Variants in TTC3 observed in about 807,000 individuals in gnomAD.
TTC3 encodes E3 ubiquitin-protein ligase TTC3.
A neutral mutation model predicts 249.6 loss-of-function variants in TTC3; 180 were observed. The ratio of observed to expected loss-of-function variants is 0.72; its 90% CI spans 0.64 to 0.82. TTC3 has a LOEUF of 0.82. Ranked by LOEUF, TTC3 falls within the 40% of genes least tolerant of loss-of-function variation. TTC3 has a pLI of 0.00. For synonymous variants in TTC3, 717 were observed against 805.0 expected (o/e 0.89, Z 1.85); for missense variants, 2,061 against 2,398.4 (o/e 0.86, Z 2.94).
chr21:37,151,781 C>A, intron 25 of TTC3, 112 bp from the exon 26 acceptor site: 1 of 1,210,424 alleles, frequency 8.3e-7, no homozygotes, highest in Non-Finnish European at 1.1e-6. Flanking sequence ...AGATGTAGGC[C>A]GGGCTCTGAT....
At chr21:37,098,002 A>G (rs1317190070) in intron 10 of TTC3, 2 of 707,014 alleles carry the variant, frequency 2.8e-6, no homozygotes, top group South Asian at 3.0e-5. Context: ...CACCTTGGAG[A>G]ATACCGCTGT....
At chr21:37,091,969 A>G (rs1004296912) in intron 7 of TTC3, among the ~76,000 whole-genome samples, 4 of 152,168 alleles carry the variant, frequency 2.6e-5, no homozygotes, top group Admixed American at 1.3e-4. Context: ...TTTTCACTGA[A>G]TGGATATTGT....
chr21:37,138,705 A>G (rs371622312), exon 19 of TTC3: 17 of 1,608,636 alleles, frequency 1.1e-5, no homozygotes, highest in Non-Finnish European at 1.4e-5. Flanking sequence ...TTGGAATAGG[A>G]CAGCCTGAGG....
rs529521725 is a variant in TTC3 at position 37,131,127 on chromosome 21, G to A, written c.1359-1555G>A. On this transcript the variant is annotated intron_variant, in intron 16 of 45. Coordinates refer to ENST00000355666, the Ensembl canonical transcript of TTC3. ...ATGGCATTTCCTGAATGATAGGAGTGTATTTTGTTACTCATCATGAGCCCC... is the reference window on the plus strand; with the variant it reads ...ATGGCATTTCCTGAATGATAGGAGTATATTTTGTTACTCATCATGAGCCCC... Among the ~76,000 whole-genome samples, 223 of 152,224 alleles carry A rather than the reference G, an allele frequency of 1.5e-3. 2 individuals are homozygous for A. The highest frequency in any genetic ancestry group is 4.9e-3 in the African/African-American group (204 of 41,530).
At chr21:37,132,403 C>T (rs538945437) in intron 16 of TTC3, among the ~76,000 whole-genome samples, 5 of 149,994 alleles carry the variant, frequency 3.3e-5, no homozygotes, top group Non-Finnish European at 7.4e-5. Context: ...AGATCTCGGT[C>T]CTGGGCTCAA....
intron 32 of TTC3, among the ~76,000 whole-genome samples, chr21:37,164,495 T>TG (rs768303154): frequency 9.9e-5 from 14 of 141,328 alleles, no homozygotes; most frequent in Admixed American, 2.2e-4. Flanking sequence ...TGCACCACCA[T>TG]GCCTGGCTAA....
chr21:37,164,240 C>A, intron 32 of TTC3, 25 bp downstream of exon 32: 1 of 1,533,774 alleles, frequency 6.5e-7, no homozygotes, highest in Non-Finnish European at 8.8e-7. Context: ...ATTTTTACAA[C>A]CATTATTTTA....
intron 10 of TTC3, among the ~76,000 whole-genome samples, chr21:37,100,277 C>T (rs554178000): frequency 2.8e-4 from 43 of 152,176 alleles, no homozygotes; most frequent in Admixed American, 5.2e-4. Flanking sequence ...TTAATGTTCT[C>T]TGTACTTTTA....
chr21:37,088,743 C>A, intron 4 of TTC3, 56 bp from the exon 5 acceptor site: 1 of 1,485,772 alleles, frequency 6.7e-7, no homozygotes, highest in South Asian at 1.2e-5. Flanking sequence ...GCATAAAGTT[C>A]AATGAATTTG....
chr21:37,088,749 A>G, intron 4 of TTC3, 50 bp from the exon 5 acceptor site: 1 of 1,514,552 alleles, frequency 6.6e-7, no homozygotes, highest in Non-Finnish European at 9.0e-7. Flanking sequence ...AGTTCAATGA[A>G]TTTGTATATA....
In TTC3 at chr21:37,138,725, TA is replaced by T. The variant is rs1218001638; in HGVS notation, c.1659+13del. On this transcript the variant is annotated intron_variant, in intron 19 of 45. Transcript: ENST00000355666. ...ATAGGACAGCCTGAGGTAAGATTTG[TA>T]ACAGTGGTAATAAACAATTAAAATG... 1.9e-6 allele frequency: 3 copies of T among 1,572,020 alleles called. No homozygotes were observed. Among genetic ancestry groups the T allele is most frequent in the Non-Finnish European group, 2.6e-6 (3 of 1,146,172 alleles).
intron 35 of TTC3, among the ~76,000 whole-genome samples, chr21:37,173,225 T>C (rs961271857): frequency 6.6e-6 from 1 of 152,194 alleles, no homozygotes; most frequent in Non-Finnish European, 1.5e-5. Flanking sequence ...AACTCACATT[T>C]TGTATGGTTA....
intron 11 of TTC3, among the ~76,000 whole-genome samples, chr21:37,111,943 A>G (rs1029647942): frequency 5.4e-5 from 5 of 91,828 alleles, no homozygotes; most frequent in African/African-American, 2.3e-4. Context: ...CTGCTCCTGA[A>G]TGACTACTGG....
At chr21:37,077,945 G>C (rs2146862438) in intron 1 of TTC3, among the ~76,000 whole-genome samples, 1 of 152,108 alleles carries the variant, frequency 6.6e-6, no homozygotes, top group Admixed American at 6.5e-5. Context: ...ACATTCCTCT[G>C]TTTCTTTTTA....
At chr21:37,145,685 A>G (rs1165288727) in intron 21 of TTC3, among the ~76,000 whole-genome samples, 4 of 152,214 alleles carry the variant, frequency 2.6e-5, no homozygotes, top group Admixed American at 6.5e-5. Context: ...TGCAGGCTGT[A>G]TAAGAAGCAT....
intron 15 of TTC3, among the ~76,000 whole-genome samples, chr21:37,128,655 C>A (rs939845966): frequency 1.4e-4 from 22 of 152,124 alleles, no homozygotes; most frequent in Non-Finnish European, 2.2e-4. Flanking sequence ...ACAGTATTTT[C>A]TTTTCTTCAT....
chr21:37,073,956 C>T (rs2070428388), intron 1 of TTC3, among the ~76,000 whole-genome samples: 1 of 152,262 alleles, frequency 6.6e-6, no homozygotes, highest in Non-Finnish European at 1.5e-5. Flanking sequence ...CGCAGAGTGT[C>T]TGCGCATGGG....
At position 37,159,313 on chromosome 21, in the gene TTC3, AG is replaced by A. The variant is rs1270009448; in HGVS notation, c.2993-385del. 6.1e-3 allele frequency among the ~76,000 whole-genome samples: 4 copies of A among 656 alleles called. No individual in the cohort carries two copies. In the East Asian group the frequency reaches 0.17, roughly 27 times the overall value. 0.4% of individuals were successfully genotyped at this position (656 alleles called of 152,430 possible). On this transcript the variant is annotated intron_variant, in intron 28 of 45. Coordinates refer to ENST00000355666, the Ensembl canonical transcript of TTC3. ...AGACTTCAGACTTGAGTCCTTCGTG[AG>A]CCTTTGTTGCCTTGTGTTTCACGTG... is the stretch of plus-strand genomic sequence containing the variant.
chr21:37,165,661 A>G (rs768403705), exon 33 of TTC3: 12 of 1,614,004 alleles, frequency 7.4e-6, no homozygotes, highest in Non-Finnish European at 9.3e-6. Flanking sequence ...TAGAAAAAGC[A>G]GGAGGTTTAA....
Sources: gnomAD v4.1 joint callset for allele counts (sites outside exome capture counted in the v4.1 genomes callset) on GRCh38, gnomAD v4.1.1 for gene constraint, MANE v1.5 for transcripts, NCBI Gene and HGNC (gene_info 2026-07-23, HGNC 2026-07-21) for gene names.